Variants in SLC24A2 observed in about 807,000 individuals in gnomAD.
SLC24A2 encodes solute carrier family 24 member 2, also known as sodium/potassium/calcium exchanger 2.
A neutral mutation model predicts 62.0 loss-of-function variants in SLC24A2; 36 were observed. The observed-to-expected ratio is 0.58, with a 90% CI of 0.44 to 0.77. SLC24A2 has a LOEUF of 0.77. SLC24A2 is among the 30% of genes least tolerant of loss of function. The pLI is 0.00. For synonymous variants in SLC24A2, 358 were observed against 294.0 expected (o/e 1.22, Z -2.23); for missense variants, 846 against 817.9 (o/e 1.03, Z -0.42).
At chr9:19,669,934 GC>G (rs1464754828) in intron 2 of SLC24A2, among the ~76,000 whole-genome samples, 1 of 152,216 alleles carries the variant, frequency 6.6e-6, no homozygotes, top group Non-Finnish European at 1.5e-5. Context: ...CTACCACAGT[GC>G]CCCCACATTG....
At chr9:19,938,058 C>T in the SLC24A2 span, among the ~76,000 whole-genome samples, 1 of 152,200 alleles carries the variant, frequency 6.6e-6, no homozygotes, top group Middle Eastern at 3.4e-3. Context: ...ATTAGTGAGT[C>T]TTTTCTATAC....
intron 2 of SLC24A2, among the ~76,000 whole-genome samples, chr9:19,783,866 A>G (rs1489326397): frequency 6.6e-6 from 1 of 152,094 alleles, no homozygotes; most frequent in Non-Finnish European, 1.5e-5. Flanking sequence ...GTCAAAAGAA[A>G]CATTAATGAC....
the SLC24A2 span, chr9:19,926,045 T>C: frequency 6.6e-6 from 1 of 152,214 alleles, no homozygotes; most frequent in South Asian, 2.1e-4. Context: ...GTGATGGTTT[T>C]GGCTCGAGTT....
chr9:19,947,694 G>C, the SLC24A2 span, among the ~76,000 whole-genome samples: 3 of 151,280 alleles, frequency 2.0e-5, no homozygotes, highest in Non-Finnish European at 2.9e-5. Context: ...GGGAGGCTGA[G>C]GCAGGAGAAT....
At chr9:19,777,048 AAAC>A (rs1162325932) in intron 2 of SLC24A2, among the ~76,000 whole-genome samples, 1 of 152,244 alleles carries the variant, frequency 6.6e-6, no homozygotes, top group African/African-American at 2.4e-5. Context: ...ATTAAAACAA[AAAC>A]AAAAACAAAA....
chr9:19,885,499 T>C, the SLC24A2 span, among the ~76,000 whole-genome samples: 2 of 152,214 alleles, frequency 1.3e-5, no homozygotes, highest in Non-Finnish European at 2.9e-5. Context: ...TTCGTTCTTA[T>C]CCTCTCCCCA....
chr9:19,623,665 G>A (rs1817963998), intron 2 of SLC24A2, among the ~76,000 whole-genome samples: 1 of 152,144 alleles, frequency 6.6e-6, no homozygotes. Flanking sequence ...TTTTTAAGAA[G>A]GTGAAATTCA....
At chr9:20,086,004 A>G in the SLC24A2 span, among the ~76,000 whole-genome samples, 1 of 152,174 alleles carries the variant, frequency 6.6e-6, no homozygotes, top group Admixed American at 6.5e-5. Context: ...AGAAAGATCC[A>G]TGCTCCCTGC....
chr9:19,975,355 T>C, the SLC24A2 span, among the ~76,000 whole-genome samples: 1 of 152,202 alleles, frequency 6.6e-6, no homozygotes, highest in Non-Finnish European at 1.5e-5. Flanking sequence ...AATCCTCCAG[T>C]GTGCCTGAAC....
chr9:19,577,186 C>T (rs1346933274), intron 5 of SLC24A2, among the ~76,000 whole-genome samples, 164 bp from the exon 6 acceptor site: 1 of 152,120 alleles, frequency 6.6e-6, no homozygotes, highest in Non-Finnish European at 1.5e-5. Context: ...ACTTTCTTGC[C>T]TTTGTAGATT....
the SLC24A2 span, among the ~76,000 whole-genome samples, chr9:20,218,122 T>G: frequency 2.6e-5 from 4 of 152,168 alleles, no homozygotes; most frequent in African/African-American, 9.7e-5. Context: ...GCCTTGAGCT[T>G]CCAAAAGGTA....
chr9:19,701,416 C>T (rs886169369), intron 2 of SLC24A2, among the ~76,000 whole-genome samples: 11 of 152,282 alleles, frequency 7.2e-5, no homozygotes, highest in African/African-American at 2.6e-4. Flanking sequence ...AGTCCACAAC[C>T]GGTAGGAGTT....
the SLC24A2 span, among the ~76,000 whole-genome samples, chr9:20,141,159 C>T: frequency 6.6e-6 from 1 of 152,130 alleles, no homozygotes; most frequent in Admixed American, 6.5e-5. Flanking sequence ...TGAAAACCAC[C>T]ATTTCTATGC....
chr9:19,742,789 T>C (rs541574577), intron 2 of SLC24A2, among the ~76,000 whole-genome samples: 6 of 152,276 alleles, frequency 3.9e-5, no homozygotes, highest in Non-Finnish European at 4.4e-5. Context: ...TACATACACC[T>C]GTCCTCAGGA....
At chr9:19,682,700 C>T (rs1373360654) in intron 2 of SLC24A2, among the ~76,000 whole-genome samples, 1 of 152,072 alleles carries the variant, frequency 6.6e-6, no homozygotes, top group Non-Finnish European at 1.5e-5. Flanking sequence ...AAGAAATATC[C>T]ATAGGAAATA....
At chr9:19,736,603 C>A (rs1821517487) in intron 2 of SLC24A2, among the ~76,000 whole-genome samples, 1 of 152,082 alleles carries the variant, frequency 6.6e-6, no homozygotes, top group South Asian at 2.1e-4. Context: ...CTTTGAGAGG[C>A]TGAAGTGGGG....
At chr9:19,776,576 A>G (rs900221434) in intron 2 of SLC24A2, among the ~76,000 whole-genome samples, 7 of 152,208 alleles carry the variant, frequency 4.6e-5, no homozygotes, top group African/African-American at 1.7e-4. Context: ...CTAGCGTCCT[A>G]CAGTAAACTT....
intron 2 of SLC24A2, among the ~76,000 whole-genome samples, chr9:19,742,968 G>A (rs1821723142): frequency 6.6e-6 from 1 of 152,176 alleles, no homozygotes; most frequent in Admixed American, 6.6e-5. Flanking sequence ...AGAGATCCCA[G>A]AGGGAAATGG....
the SLC24A2 span, among the ~76,000 whole-genome samples, chr9:20,186,393 C>T: frequency 6.6e-6 from 1 of 152,192 alleles, no homozygotes; most frequent in Non-Finnish European, 1.5e-5. Context: ...TACTTACTGT[C>T]TGGCTTACCT....
Sources: gnomAD v4.1 joint callset for allele counts (sites outside exome capture counted in the v4.1 genomes callset) on GRCh38, gnomAD v4.1.1 for gene constraint, MANE v1.5 for transcripts, NCBI Gene and HGNC (gene_info 2026-07-23, HGNC 2026-07-21) for gene names.